Variants in NLGN4X observed in about 807,000 individuals in gnomAD.
NLGN4X encodes the protein neuroligin 4 X-linked.
In NLGN4X, 3 loss-of-function variants were observed where a neutral mutation model predicts 40.3. The observed-to-expected ratio is 0.07, with a 90% CI of 0.03 to 0.19. The LOEUF is 0.19. Ranked by LOEUF, NLGN4X falls within the 10% of genes least tolerant of loss-of-function variation. The pLI, the probability that NLGN4X is intolerant of heterozygous loss-of-function variation, is 1.00. For synonymous variants in NLGN4X, 270 were observed against 306.8 expected, an observed-to-expected ratio of 0.88 and a Z score of 1.25; for missense variants, 382 against 708.3, an observed-to-expected ratio of 0.54 and a Z score of 5.23.
At chrX:5,951,625 G>C (rs2034315499) in intron 3 of NLGN4X, among the ~76,000 whole-genome samples, 2 of 111,365 alleles carry the variant, frequency 1.8e-5, no homozygotes, top group South Asian at 7.7e-4. Context: ...CAAGATCAAG[G>C]CATGGCAGAT....
intron 1 of NLGN4X, among the ~76,000 whole-genome samples, chrX:6,195,766 G>A (rs1218818122): frequency 3.6e-5 from 4 of 110,396 alleles, no homozygotes; most frequent in Admixed American, 1.9e-4. Context: ...TTTGTGATAC[G>A]GTAAAAATTA....
In NLGN4X at chrX:6,088,396, C is replaced by T. The variant is rs780482499; in HGVS notation, c.473-58964G>A. ...CTGCGCAGTTTTCTATCCTGGGAAA[C>T]ATCAGACACAGGCATGGCACTGCTC... is the stretch of plus-strand genomic sequence containing the variant. On this transcript the variant is annotated intron_variant, in intron 2 of 5. Transcript: ENST00000381095. Among the ~76,000 whole-genome samples, 5 of 111,907 alleles carry T rather than the reference C, an allele frequency of 4.5e-5. 1 individual carries two copies. Among genetic ancestry groups the T allele is most frequent in the African/African-American group, 1.3e-4 (4 of 30,867 alleles).
At chrX:5,915,971 T>A (rs1460495443) in intron 3 of NLGN4X, among the ~76,000 whole-genome samples, 2 of 111,995 alleles carry the variant, frequency 1.8e-5, no homozygotes. Context: ...TGTCCCTCCC[T>A]GGGTCTGCAT....
At chrX:6,116,458 C>A (rs2039303024) in intron 2 of NLGN4X, among the ~76,000 whole-genome samples, 1 of 70,378 alleles carries the variant, frequency 1.4e-5, no homozygotes, top group African/African-American at 6.0e-5. Context: ...CTCTGTCGCC[C>A]AGGCTGGAGT....
chrX:6,166,944 T>C (rs1328816272), intron 1 of NLGN4X, among the ~76,000 whole-genome samples: 3 of 108,891 alleles, frequency 2.8e-5, no homozygotes, highest in African/African-American at 1.0e-4. Context: ...TGGTGTTGCA[T>C]GCCTGTAGCC....
chrX:5,927,557 C>G (rs1215745844), intron 3 of NLGN4X, among the ~76,000 whole-genome samples: 1 of 112,474 alleles, frequency 8.9e-6, no homozygotes, highest in Non-Finnish European at 1.9e-5. Flanking sequence ...CCAGAGGGAA[C>G]AAGAATGCAG....
At chrX:6,067,114 C>A (rs1022174271) in intron 2 of NLGN4X, among the ~76,000 whole-genome samples, 4 of 109,481 alleles carry the variant, frequency 3.7e-5, no homozygotes, top group South Asian at 3.9e-4. Context: ...GTCCCCCCCC[C>A]AAAACAAAAT....
At chrX:6,110,906 AG>A (rs2039133343) in intron 2 of NLGN4X, among the ~76,000 whole-genome samples, 2 of 111,492 alleles carry the variant, frequency 1.8e-5, no homozygotes, top group Admixed American at 1.9e-4. Context: ...AGAGGACTCA[AG>A]GTTTTGCATT....
At chrX:5,893,899 G>C (rs1363452472) in intron 5 of NLGN4X, among the ~76,000 whole-genome samples, 1 of 111,623 alleles carries the variant, frequency 9.0e-6, no homozygotes, top group Admixed American at 9.5e-5. Flanking sequence ...AATCCTGATA[G>C]CAGCATTATG....
At chrX:5,901,303 T>C (rs1434728300) in intron 5 of NLGN4X, among the ~76,000 whole-genome samples, 3 of 112,197 alleles carry the variant, frequency 2.7e-5, no homozygotes, top group Non-Finnish European at 5.6e-5. Context: ...GCAGGGCCAC[T>C]GCAGTCTCAG....
At chrX:5,900,151 T>C (rs2031761110) in intron 5 of NLGN4X, among the ~76,000 whole-genome samples, 1 of 112,678 alleles carries the variant, frequency 8.9e-6, no homozygotes, top group Admixed American at 9.3e-5. Flanking sequence ...TGTCTCCCCA[T>C]AAATTAAGAT....
At chrX:5,893,993 T>C (rs2031347662) in intron 5 of NLGN4X, among the ~76,000 whole-genome samples, 1 of 112,530 alleles carries the variant, frequency 8.9e-6, no homozygotes, top group Non-Finnish European at 1.9e-5. Context: ...TAAGTGTCTC[T>C]AGGAAAAATT....
intron 3 of NLGN4X, among the ~76,000 whole-genome samples, chrX:6,018,263 C>T (rs1193920405): frequency 9.0e-6 from 1 of 111,254 alleles, no homozygotes; most frequent in Non-Finnish European, 1.9e-5. Flanking sequence ...TATATGTTTA[C>T]CACCAAGTAT....
intron 3 of NLGN4X, among the ~76,000 whole-genome samples, chrX:6,025,306 A>G (rs1450115404): frequency 1.8e-5 from 2 of 112,000 alleles, no homozygotes; most frequent in Non-Finnish European, 3.8e-5. Flanking sequence ...ATTGTGTAGC[A>G]CAGTTCTGAT....
At chrX:6,104,098 C>T (rs1438089683) in intron 2 of NLGN4X, among the ~76,000 whole-genome samples, 1 of 105,732 alleles carries the variant, frequency 9.5e-6, no homozygotes, top group African/African-American at 3.5e-5. Flanking sequence ...TTTCTGGTAC[C>T]GCACAGATCT....
chrX:6,120,592 G>A (rs2039401663), intron 2 of NLGN4X, among the ~76,000 whole-genome samples: 1 of 112,027 alleles, frequency 8.9e-6, no homozygotes, highest in Admixed American at 9.5e-5. Flanking sequence ...TATAACTGCA[G>A]TGTTCAGAAA....
At chrX:6,013,942 A>T (rs1475226529) in intron 3 of NLGN4X, among the ~76,000 whole-genome samples, 1 of 110,736 alleles carries the variant, frequency 9.0e-6, no homozygotes, top group Non-Finnish European at 1.9e-5. Flanking sequence ...CAGCACTTTA[A>T]GAGGCCAAGG....
At chrX:6,160,980 A>G (rs1471219260) in intron 1 of NLGN4X, among the ~76,000 whole-genome samples, 2 of 100,931 alleles carry the variant, frequency 2.0e-5, no homozygotes, top group Non-Finnish European at 3.9e-5. Flanking sequence ...ATTATTCTAT[A>G]TATAATATAG....
chrX:6,095,814 C>T (rs1450192946), intron 2 of NLGN4X, among the ~76,000 whole-genome samples: 2 of 111,442 alleles, frequency 1.8e-5, no homozygotes, highest in Admixed American at 9.5e-5. Context: ...GCACAGGAAG[C>T]GCCCCAAAAG....
Sources: allele counts gnomAD v4.1 joint callset (sites outside exome capture counted in the v4.1 genomes callset), GRCh38; gene constraint gnomAD v4.1.1; transcripts MANE v1.5; gene names NCBI Gene and HGNC (gene_info 2026-07-23, HGNC 2026-07-21).